SNIP1: variants seen among roughly 807,000 people sequenced by gnomAD.
SNIP1 encodes smad nuclear-interacting protein 1.
A neutral mutation model predicts 37.4 loss-of-function variants in SNIP1; 23 were observed. That is an observed-to-expected ratio of 0.61 (90% CI 0.44 to 0.87). The LOEUF (loss-of-function observed/expected upper bound fraction) is 0.87. Among genes scored for constraint, SNIP1 ranks in the 40% least tolerant of loss-of-function variants. SNIP1 has a pLI of 0.00. For missense variants in SNIP1, 459 were observed against 540.4 expected (o/e 0.85, Z 1.49); for synonymous variants, 174 against 200.0 (o/e 0.87, Z 1.10).
At chr1:37,552,797 T>A in intron 1 of SNIP1, 50 bp from the exon 2 acceptor site, 1 of 1,483,386 alleles carries the variant, frequency 6.7e-7, no homozygotes, top group Non-Finnish European at 9.4e-7. Flanking sequence ...CCTTCCCCCA[T>A]AAAAATTAGC....
At position 37,537,605 on chromosome 1, in the gene SNIP1, T is replaced by C; in HGVS notation, c.*143A>G. ...GTATTCAAATGGTAACACAATCTGG[T>C]CAGCAACAGAGGAAAGACTTAAGGC... On this transcript the variant is annotated 3_prime_UTR_variant, in exon 4 of 4. Coordinates refer to ENST00000296215, the MANE Select transcript of SNIP1 (RefSeq NM_024700.4). 1 of 878,500 alleles carries C rather than the reference T, an allele frequency of 1.1e-6. No individual in the cohort carries two copies. Among genetic ancestry groups the C allele is most frequent in the South Asian group, 1.7e-5 (1 of 57,850 alleles). The allele number at this position is 878,500 out of a possible 1,614,324, so 54.4% of individuals were successfully genotyped here.
Position 37,540,553 on chromosome 1 carries a change from T to G in SNIP1, c.530A>C (p.Glu177Ala). 1 of 1,614,110 alleles carries G rather than the reference T, an allele frequency of 6.2e-7. No homozygotes were observed. Among genetic ancestry groups the G allele is most frequent in the South Asian group, 1.1e-5 (1 of 91,072 alleles). Residue 177 changes from glutamate to alanine, a missense_variant, in exon 3 of 4, where the codon GAA becomes GCA. Physicochemically the swap from Glu to Ala is moderately radical, Grantham distance 107. Transcript: ENST00000296215. The surrounding 1 kb of genome is among the most constrained non-coding windows in gnomAD (Gnocchi z 5.6). ...CCTGGCATTATAAAACTCCCGCTCT[T>G]CTTCCTGAGCCTGCAGGTTCTGAGT... ...RDTQNLQAQE[E>A]EREFYNARRR... is the part of the protein sequence containing the mutation.
At position 37,554,020 on chromosome 1, in the gene SNIP1, G is replaced by C; in HGVS notation, c.210C>G (p.Ala70=). 1 of 1,568,942 alleles carries C rather than the reference G, an allele frequency of 6.4e-7. No homozygotes were observed. The highest frequency in any genetic ancestry group is 1.2e-5 in the South Asian group (1 of 86,416). The change falls in exon 1 of 4, where the codon GCC becomes GCG. Residue 70 remains alanine, a synonymous_variant. Coordinates refer to ENST00000296215, the MANE Select transcript of SNIP1 (RefSeq NM_024700.4). ...CCCCCACTTACCGGCTAACTCCTCG[G>C]GCTCGGTTCCCGCGGTGGCCCGAGC... ...PARSGHRGNR[A]RGVSRSPPKK... is the part of the protein sequence containing the mutation.
chr1:37,541,633 G>A (rs1643175284), intron 2 of SNIP1: 1 of 145,236 alleles, frequency 6.9e-6, no homozygotes, highest in African/African-American at 2.6e-5. Context: ...TTACACTCCA[G>A]CCTGGGCAAC....
At chr1:37,542,476 C>T (rs1643185906) in intron 2 of SNIP1, among the ~76,000 whole-genome samples, 1 of 152,224 alleles carries the variant, frequency 6.6e-6, no homozygotes, top group African/African-American at 2.4e-5. Flanking sequence ...GCCAGTGGCT[C>T]ACACTTGTAA....
At chr1:37,545,129 A>C in intron 2 of SNIP1, 1 of 737,098 alleles carries the variant, frequency 1.4e-6, no homozygotes, top group Non-Finnish European at 2.5e-6. Context: ...CGACAAAATT[A>C]CCCCCATTTG....
At chr1:37,547,928 C>T (rs1056518455) in intron 2 of SNIP1, among the ~76,000 whole-genome samples, 6 of 151,428 alleles carry the variant, frequency 4.0e-5, no homozygotes, top group Admixed American at 6.6e-5. Flanking sequence ...AGGTGGATTA[C>T]GAGGTCAGGA....
At position 37,554,095 on chromosome 1, in the gene SNIP1, A is replaced by G. The variant is rs768999759; in HGVS notation, c.135T>C (p.Arg45=). The part of the protein sequence containing the change: ...SPEVAPPAHR[R]PDHSGGSPSP... ...ACGGGCTACCACCGGAGTGGTCCGGACGGCGGTGGGCGGGAGGTGCGACTT... is the reference window on the plus strand; with the variant it reads ...ACGGGCTACCACCGGAGTGGTCCGGGCGGCGGTGGGCGGGAGGTGCGACTT... The change falls in exon 1 of 4, where the codon CGT becomes CGC. Residue 45 remains arginine, a synonymous_variant. Transcript: ENST00000296215. 8.7e-6 allele frequency: 14 copies of G among 1,610,262 alleles called. No individual in the cohort carries two copies. Among genetic ancestry groups the G allele is most frequent in the Middle Eastern group, 1.7e-4 (1 of 5,830 alleles).
chr1:37,544,663 CCT>C (rs1007196261), intron 2 of SNIP1: 40 of 521,902 alleles, frequency 7.7e-5, no homozygotes, highest in Non-Finnish European at 1.3e-4. Context: ...CATAGCTAGC[CCT>C]CTGTTACCTC....
chr1:37,545,027 G>T, intron 2 of SNIP1: 2 of 759,426 alleles, frequency 2.6e-6, no homozygotes, highest in Non-Finnish European at 4.8e-6. Flanking sequence ...AGACCATGAT[G>T]ACTGGGAGAG....
At position 37,544,757 on chromosome 1, in the gene SNIP1, A is replaced by G. The variant is rs146164816; in HGVS notation, c.328-4002T>C. The stretch of plus-strand genomic sequence containing the variant: ...CCACCGCCGCACAGCCACCGTGGCC[A>G]CCACCATGACGACTGCGCGTCCCCC... On this transcript the variant is annotated intron_variant, in intron 2 of 3. Coordinates refer to ENST00000296215, the MANE Select transcript of SNIP1 (RefSeq NM_024700.4). The G allele has an allele frequency of 3.7e-3, 2,538 of 693,836 alleles. 57 individuals carry two copies. The African/African-American group carries it at 0.041, about 11-fold the overall frequency. The allele number at this position is 693,836 out of a possible 1,614,324, so 43.0% of individuals were successfully genotyped here. A position where few individuals can be genotyped will look rare whatever the true frequency, so the allele number is the denominator to read the frequency against.
rs945993564 is a variant in SNIP1 at position 37,535,434 on chromosome 1, T to C, written c.*2314A>G. Reference sequence around the variant, plus strand: ...AAAAAAACCCACCTTCTCAGATATGTGGCATAAAGAATTTCTTAATCCAGG... The same window carrying C: ...AAAAAAACCCACCTTCTCAGATATGCGGCATAAAGAATTTCTTAATCCAGG... On this transcript the variant is annotated 3_prime_UTR_variant, in exon 4 of 4. Transcript: ENST00000296215. 8 of 151,544 alleles carry C rather than the reference T, an allele frequency of 5.3e-5. No homozygotes were observed. The highest frequency in any genetic ancestry group is 1.2e-4 in the Non-Finnish European group (8 of 67,968). 9.4% of individuals were successfully genotyped at this position (151,544 alleles called of 1,614,324 possible).
At chr1:37,542,922 C>T (rs61776184) in intron 2 of SNIP1, among the ~76,000 whole-genome samples, 31,831 of 151,744 alleles carry the variant, frequency 0.21, 3,764 homozygotes, top group East Asian at 0.33. Context: ...TAGCCAGGCA[C>T]GACAGCATGC....
chr1:37,547,731 C>T (rs1643257210), intron 2 of SNIP1, among the ~76,000 whole-genome samples: 1 of 149,122 alleles, frequency 6.7e-6, no homozygotes, highest in East Asian at 2.0e-4. Flanking sequence ...AACACTTCAC[C>T]AAACAAACAA....
rs986158343 is a variant in SNIP1, at chr1:37,537,025, T to C, written c.*723A>G. On this transcript the variant is annotated 3_prime_UTR_variant, in exon 4 of 4. Coordinates refer to ENST00000296215, the MANE Select transcript of SNIP1 (RefSeq NM_024700.4). The stretch of plus-strand genomic sequence containing the variant: ...TGCTCCATGGAGAAATCAGGAATTC[T>C]TTCACAAAGAACAGATCCACAGCCA... 6.6e-6 allele frequency: 1 copy of C among 152,254 alleles called. No individual in the cohort carries two copies. The highest frequency in any genetic ancestry group is 1.5e-5 in the Non-Finnish European group (1 of 68,042). 9.4% of individuals were successfully genotyped at this position (152,254 alleles called of 1,614,324 possible). A position where few individuals can be genotyped will look rare whatever the true frequency, so the allele number is the denominator to read the frequency against.
rs1028331710 is a variant in SNIP1, at chr1:37,536,931, AAAG to A, written c.*814_*816del. On this transcript the variant is annotated 3_prime_UTR_variant, in exon 4 of 4. Transcript: ENST00000296215. Reference sequence around the variant, plus strand: ...GTGACAGTTTATTTCTCAAAGAAAAAAAGAGATAACATTTGAATAAAAATGCAA... The same window carrying A: ...GTGACAGTTTATTTCTCAAAGAAAAAAGATAACATTTGAATAAAAATGCAA... 8.7e-5 allele frequency: 12 copies of A among 137,300 alleles called. No homozygotes were observed. The highest frequency in any genetic ancestry group is 3.0e-4 in the African/African-American group (12 of 40,330). The allele number at this position is 137,300 out of a possible 1,614,324, so 8.5% of individuals were successfully genotyped here.
At chr1:37,544,301 A>G (rs1194530077) in intron 2 of SNIP1, among the ~76,000 whole-genome samples, 1 of 150,164 alleles carries the variant, frequency 6.7e-6, no homozygotes, top group Non-Finnish European at 1.5e-5. Flanking sequence ...AAAAAATTAG[A>G]AGGGCGCGGT....
At position 37,540,325 on chromosome 1, in the gene SNIP1, C is replaced by T. The variant is rs144503529; in HGVS notation, c.758G>A (p.Arg253His). 1.4e-5 allele frequency: 23 copies of T among 1,613,950 alleles called. No individual in the cohort carries two copies. The highest frequency in any genetic ancestry group is 2.2e-5 in the East Asian group (1 of 44,902). The part of the protein sequence containing the change: ...VIKYSEPPEA[R>H]IPKKRWRLYP... ...GAGACGCCACCGTTTTTTGGGGATA[C>T]GTGCTTCTGGGGGCTCACTATATTT... Residue 253 changes from arginine (R) to histidine (H), a missense_variant, in exon 3 of 4, where the codon CGT (arginine) becomes CAT (histidine). Physicochemically the swap from Arg to His is conservative, Grantham distance 29 (BLOSUM62 0). Coordinates refer to ENST00000296215, the MANE Select transcript of SNIP1 (RefSeq NM_024700.4). This position sits in a 1 kb window ranked among gnomAD's most constrained non-coding sequence, Gnocchi z 5.6.
rs958988187 is a variant in SNIP1, at chr1:37,537,675, C to T, written c.*73G>A. On this transcript the variant is annotated 3_prime_UTR_variant, in exon 4 of 4. Transcript: ENST00000296215. The stretch of plus-strand genomic sequence containing the variant: ...AGCACCATAGTGCTGGACCCACCAC[C>T]ATAGTGCTCTCTGAGTCAATCAAAG... 35 of 1,515,426 alleles carry T rather than the reference C, an allele frequency of 2.3e-5. No homozygotes were observed. The highest frequency in any genetic ancestry group is 2.9e-5 in the Non-Finnish European group (32 of 1,112,806). The allele number at this position is 1,515,426 out of a possible 1,614,324, so 93.9% of individuals were successfully genotyped here.
Sources: allele counts gnomAD v4.1 joint callset (sites outside exome capture counted in the v4.1 genomes callset), GRCh38; gene constraint gnomAD v4.1.1; non-coding constraint Gnocchi (gnomAD v3.1); transcripts MANE v1.5; gene names NCBI Gene and HGNC (gene_info 2026-07-23, HGNC 2026-07-21).